SVIL: variants seen among roughly 807,000 people sequenced by gnomAD.
The protein encoded by SVIL is supervillin, also known as archvillin.
In SVIL, 101 loss-of-function variants were observed where a neutral mutation model predicts 240.4. The ratio of observed to expected loss-of-function variants is 0.42; its 90% CI spans 0.36 to 0.50. The LOEUF is 0.50. SVIL is among the 20% of genes least tolerant of loss of function. The pLI is 0.01. For missense variants in SVIL, 2,512 were observed against 2,818.7 expected, an observed-to-expected ratio of 0.89 and a Z score of 2.46; for synonymous variants, 999 against 1,100.0, an observed-to-expected ratio of 0.91 and a Z score of 1.82.
At chr10:29,530,459 T>A in intron 11 of SVIL, 148 bp downstream of exon 11, 1 of 838,832 alleles carries the variant, frequency 1.2e-6, no homozygotes, top group Non-Finnish European at 1.9e-6. Flanking sequence ...TTACAATTTT[T>A]ATTTTTTTTG....
At position 29,488,651 on chromosome 10, in the gene SVIL, G is replaced by C; in HGVS notation, c.4298C>G (p.Ser1433Cys). 1 of 1,612,822 alleles carries C rather than the reference G, an allele frequency of 6.2e-7. No individual in the cohort carries two copies. The highest frequency in any genetic ancestry group is 8.5e-7 in the Non-Finnish European group (1 of 1,179,562). The stretch of plus-strand genomic sequence containing the variant: ...CTTGTAGGGCACGGCGCTGTTGTTA[G>C]AGTTCTGTTCCGTCAGGTTGACGCT... ...LRSVNLTEQN[S>C]NNSAVPYKRL... Residue 1433 changes from serine (S) to cysteine (C), a missense_variant, in exon 23 of 38, where the codon TCT becomes TGT. Transcript: ENST00000355867.
At chr10:29,692,519 A>C (rs1961587529) in intron 1 of SVIL, among the ~76,000 whole-genome samples, 1 of 152,084 alleles carries the variant, frequency 6.6e-6, no homozygotes, top group African/African-American at 2.4e-5. Flanking sequence ...GCATACACCA[A>C]ATGTTCAGGA....
chr10:29,507,147 C>G (rs1949423334), intron 17 of SVIL, among the ~76,000 whole-genome samples: 1 of 152,030 alleles, frequency 6.6e-6, no homozygotes, highest in Non-Finnish European at 1.5e-5. Flanking sequence ...GGAACCAGCT[C>G]CTCCTGGTTC....
intron 3 of SVIL, among the ~76,000 whole-genome samples, chr10:29,561,659 C>A (rs1424854215): frequency 2.0e-5 from 3 of 151,900 alleles, no homozygotes; most frequent in African/African-American, 2.4e-5. Context: ...CCGTTCCATG[C>A]CCCATCTGCA....
At chr10:29,692,720 T>C (rs192344645) in intron 1 of SVIL, among the ~76,000 whole-genome samples, 1 of 152,080 alleles carries the variant, frequency 6.6e-6, no homozygotes, top group East Asian at 1.9e-4. Context: ...TTCAAACTCC[T>C]GGGCTCAAGG....
At chr10:29,467,488 C>G (rs924291450) in intron 33 of SVIL, among the ~76,000 whole-genome samples, 2 of 152,108 alleles carry the variant, frequency 1.3e-5, no homozygotes, top group Non-Finnish European at 2.9e-5. Context: ...AAAAACTGTT[C>G]AATCAGCTGG....
intron 2 of SVIL, among the ~76,000 whole-genome samples, chr10:29,665,668 C>T (rs903753015): frequency 6.6e-6 from 1 of 152,114 alleles, no homozygotes; most frequent in East Asian, 1.9e-4. Context: ...GTGGCGGACG[C>T]CTGTAGTCCC....
At chr10:29,679,395 C>G (rs1148227) in intron 2 of SVIL, among the ~76,000 whole-genome samples, 31,415 of 152,060 alleles carry the variant, frequency 0.21, 3,498 homozygotes, top group East Asian at 0.3. Context: ...GAAATAGTGA[C>G]AACTCCTTTC....
At chr10:29,678,263 T>C (rs1960354959) in intron 2 of SVIL, among the ~76,000 whole-genome samples, 1 of 151,874 alleles carries the variant, frequency 6.6e-6, no homozygotes, top group Non-Finnish European at 1.5e-5. Flanking sequence ...GCCCTGAGCT[T>C]GTTTTCCTGC....
chr10:29,571,086 A>T (rs979529652), intron 1 of SVIL, among the ~76,000 whole-genome samples: 2 of 152,252 alleles, frequency 1.3e-5, no homozygotes, highest in Admixed American at 6.5e-5. Context: ...CTCAGCCAGC[A>T]ACCACCTTCG....
chr10:29,641,416 A>T (rs1432496722), intron 3 of SVIL, among the ~76,000 whole-genome samples: 1 of 152,012 alleles, frequency 6.6e-6, no homozygotes. Flanking sequence ...CTGAAAATAC[A>T]AAAATTAGCG....
intron 1 of SVIL, among the ~76,000 whole-genome samples, chr10:29,630,654 T>G (rs1373137299): frequency 6.6e-6 from 1 of 152,110 alleles, no homozygotes; most frequent in Admixed American, 6.5e-5. Context: ...ATTTCCCGGT[T>G]GGCAAAAGCA....
chr10:29,520,725 T>C (rs754431368), intron 16 of SVIL, among the ~76,000 whole-genome samples: 2 of 151,686 alleles, frequency 1.3e-5, no homozygotes, highest in Non-Finnish European at 2.9e-5. Context: ...CTGGGCAACA[T>C]GGTGAGACCT....
At chr10:29,699,710 T>A (rs755458412) in intron 1 of SVIL, among the ~76,000 whole-genome samples, 1 of 152,216 alleles carries the variant, frequency 6.6e-6, no homozygotes, top group African/African-American at 2.4e-5. Flanking sequence ...TACTGAGTGT[T>A]ACTGACGAGT....
In SVIL at chr10:29,488,515, G is replaced by T; in HGVS notation, c.4348+86C>A. The T allele has an allele frequency of 4.3e-6, 6 of 1,382,596 alleles. No individual in the cohort carries two copies. The South Asian group carries it at 8.6e-5, about 20-fold the overall frequency. The allele number at this position is 1,382,596 out of a possible 1,614,324, so 85.6% of individuals were successfully genotyped here. A position where few individuals can be genotyped will look rare whatever the true frequency, so the allele number is the denominator to read the frequency against. ...AGTGTGCGTTCCTTTCCCGGCACAG[G>T]CAATGAATTACAGAGTCAGGACTCC... is the stretch of plus-strand genomic sequence containing the variant. On this transcript the variant is annotated intron_variant, in intron 23 of 37. Transcript: ENST00000355867.
intron 36 of SVIL, among the ~76,000 whole-genome samples, chr10:29,460,116 G>A (rs149975817): frequency 6.6e-6 from 1 of 152,070 alleles, no homozygotes; most frequent in Non-Finnish European, 1.5e-5. Flanking sequence ...GCGAATTTTG[G>A]ATGATCTTGC....
At chr10:29,604,728 C>T (rs1956953550) in intron 1 of SVIL, among the ~76,000 whole-genome samples, 1 of 151,762 alleles carries the variant, frequency 6.6e-6, no homozygotes, top group African/African-American at 2.4e-5. Flanking sequence ...CTATGCCCAG[C>T]TAATCTTTTA....
intron 1 of SVIL, among the ~76,000 whole-genome samples, chr10:29,699,711 A>T (rs1324931123): frequency 6.6e-6 from 1 of 152,208 alleles, no homozygotes; most frequent in Admixed American, 6.5e-5. Flanking sequence ...ACTGAGTGTT[A>T]CTGACGAGTT....
chr10:29,572,794 GA>G (rs1380363425), intron 1 of SVIL, among the ~76,000 whole-genome samples: 8 of 141,580 alleles, frequency 5.7e-5, no homozygotes, highest in Non-Finnish European at 7.7e-5. Flanking sequence ...AAAAGAAAAA[GA>G]AAAAAAGAAT....
Sources: gnomAD v4.1 joint callset for allele counts (sites outside exome capture counted in the v4.1 genomes callset) on GRCh38, gnomAD v4.1.1 for gene constraint, MANE v1.5 for transcripts, NCBI Gene and HGNC (gene_info 2026-07-23, HGNC 2026-07-21) for gene names.